CD2AP: variants seen among roughly 807,000 people sequenced by gnomAD.
CD2AP encodes the protein CD2-associated protein.
A neutral mutation model predicts 85.1 loss-of-function variants in CD2AP; 46 were observed. The observed-to-expected ratio is 0.54, with a 90% CI of 0.43 to 0.69. CD2AP has a LOEUF of 0.69. Ranked by LOEUF, CD2AP falls within the 30% of genes least tolerant of loss-of-function variation. CD2AP has a pLI of 0.00. For synonymous variants in CD2AP, 255 were observed against 252.9 expected (o/e 1.01, Z -0.08); for missense variants, 769 against 729.5 (o/e 1.05, Z -0.62).
chr6:47,505,802 T>G (rs1476985624), intron 2 of CD2AP, among the ~76,000 whole-genome samples: 3 of 99,916 alleles, frequency 3.0e-5, no homozygotes, highest in Middle Eastern at 6.7e-3. Flanking sequence ...GGCGGGGGGC[T>G]GACCCCCCCA....
intron 5 of CD2AP, among the ~76,000 whole-genome samples, chr6:47,564,694 G>A (rs548140870): frequency 7.7e-4 from 117 of 152,078 alleles, no homozygotes; most frequent in African/African-American, 2.3e-3. Context: ...TGAATGCCAG[G>A]AAGTGAGCAT....
At chr6:47,480,339 T>C (rs1019886344) in intron 1 of CD2AP, among the ~76,000 whole-genome samples, 1 of 152,236 alleles carries the variant, frequency 6.6e-6, no homozygotes, top group Non-Finnish European at 1.5e-5. Flanking sequence ...TTTTTTCTTA[T>C]GATTTTAGAT....
intron 2 of CD2AP, among the ~76,000 whole-genome samples, chr6:47,509,574 A>G (rs1228753851): frequency 2.6e-5 from 4 of 152,248 alleles, no homozygotes; most frequent in African/African-American, 9.6e-5. Context: ...GAGAGAGGCT[A>G]TAGTAGGGAA....
rs188667749 is a variant in CD2AP, at chr6:47,509,603, G to T, written c.165+6163G>T. ...TAGGGAATTGAATATTTAGAGCAAG[G>T]TCACTTCATTTTTTGTTTTATGAAT... On this transcript the variant is annotated intron_variant, in intron 2 of 17. Transcript: ENST00000359314. 1.3e-3 allele frequency among the ~76,000 whole-genome samples: 192 copies of T among 152,244 alleles called. 3 individuals carry two copies. The East Asian group carries it at 0.034, about 27-fold the overall frequency.
intron 11 of CD2AP, among the ~76,000 whole-genome samples, chr6:47,587,640 C>T (rs561440440): frequency 6.6e-6 from 1 of 152,052 alleles, no homozygotes; most frequent in Non-Finnish European, 1.5e-5. Context: ...CAGTAAGATA[C>T]TCATCATGTC....
chr6:47,562,048 G>A (rs989694212), intron 5 of CD2AP, among the ~76,000 whole-genome samples: 28 of 152,190 alleles, frequency 1.8e-4, no homozygotes, highest in African/African-American at 5.3e-4. Context: ...ACAGGCGTGA[G>A]CCACTGCACC....
intron 17 of CD2AP, among the ~76,000 whole-genome samples, chr6:47,619,501 C>T (rs1327951258): frequency 3.9e-5 from 6 of 152,148 alleles, no homozygotes; most frequent in Non-Finnish European, 8.8e-5. Flanking sequence ...CATGATTTTG[C>T]TGTTGTGAGT....
At chr6:47,619,047 A>G (rs188210362) in intron 17 of CD2AP, among the ~76,000 whole-genome samples, 1 of 152,340 alleles carries the variant, frequency 6.6e-6, no homozygotes, top group Admixed American at 6.5e-5. Context: ...GTGCTAAAAG[A>G]GAAACTCTAG....
chr6:47,568,963 A>G (rs1003822007), intron 5 of CD2AP, among the ~76,000 whole-genome samples: 1 of 152,086 alleles, frequency 6.6e-6, no homozygotes, highest in Non-Finnish European at 1.5e-5. Context: ...AAGGGAGGAG[A>G]GTTATTCAGG....
Position 47,492,946 on chromosome 6 carries a change from A to G in CD2AP, c.5-10334A>G, listed in dbSNP as rs191273282. 1.2e-3 allele frequency among the ~76,000 whole-genome samples: 181 copies of G among 152,180 alleles called. 2 individuals are homozygous for G. Among genetic ancestry groups the G allele is most frequent in the African/African-American group, 4.2e-3 (173 of 41,534 alleles). On this transcript the variant is annotated intron_variant, in intron 1 of 17. Coordinates refer to ENST00000359314, the MANE Select transcript of CD2AP (RefSeq NM_012120.3). ...AGTTTGCAGTATACATTTATAACTAATGTTAAATTCAGCTTTAAATAACAC... is the reference window on the plus strand; with the variant it reads ...AGTTTGCAGTATACATTTATAACTAGTGTTAAATTCAGCTTTAAATAACAC...
intron 1 of CD2AP, among the ~76,000 whole-genome samples, chr6:47,498,864 C>T (rs763759389): frequency 6.6e-5 from 10 of 151,944 alleles, no homozygotes; most frequent in Non-Finnish European, 1.3e-4. Context: ...ATCTTTCATC[C>T]AAGTATTTTA....
chr6:47,568,422 C>T (rs995721206), intron 5 of CD2AP, among the ~76,000 whole-genome samples: 3 of 152,038 alleles, frequency 2.0e-5, no homozygotes, highest in Non-Finnish European at 4.4e-5. Flanking sequence ...AAAACTGGGG[C>T]TTGATAGTAC....
intron 17 of CD2AP, among the ~76,000 whole-genome samples, chr6:47,619,263 C>T (rs562358836): frequency 1.8e-4 from 28 of 152,354 alleles, no homozygotes; most frequent in African/African-American, 6.7e-4. Flanking sequence ...TCTGTTCTAT[C>T]ATTCTTATGC....
intron 1 of CD2AP, among the ~76,000 whole-genome samples, chr6:47,497,266 C>T (rs1765881146): frequency 1.3e-5 from 2 of 149,352 alleles, no homozygotes; most frequent in South Asian, 4.3e-4. Flanking sequence ...CCTTCCCTTC[C>T]TTTTTTCCCT....
chr6:47,546,146 A>T (rs1044752550), intron 4 of CD2AP, among the ~76,000 whole-genome samples: 2 of 152,162 alleles, frequency 1.3e-5, no homozygotes, highest in African/African-American at 4.8e-5. Flanking sequence ...AATGAAATAG[A>T]TACCATAAAT....
rs538366832 is a variant in CD2AP at position 47,505,187 on chromosome 6, G to A, written c.165+1747G>A. On this transcript the variant is annotated intron_variant, in intron 2 of 17. Coordinates refer to ENST00000359314, the MANE Select transcript of CD2AP (RefSeq NM_012120.3). ...AGAGGACCCTGCGGCCTTCCGCAGT[G>A]TTTGTGTCCCTGATTACTTGAGATT... is the stretch of plus-strand genomic sequence containing the variant. 2.1e-5 allele frequency among the ~76,000 whole-genome samples: 3 copies of A among 144,916 alleles called. No individual in the cohort carries two copies. The East Asian group carries it at 5.9e-4, about 29-fold the overall frequency.
intron 16 of CD2AP, among the ~76,000 whole-genome samples, chr6:47,612,249 C>G (rs940625637): frequency 1.1e-4 from 16 of 152,156 alleles, no homozygotes; most frequent in East Asian, 7.7e-4. Flanking sequence ...TCTGAATTTG[C>G]TTGATTTCTT....
In CD2AP at chr6:47,554,731, A is replaced by C; in HGVS notation, c.506A>C (p.Asp169Ala). 2 of 1,613,672 alleles carry C rather than the reference A, an allele frequency of 1.2e-6. No homozygotes were observed. Among genetic ancestry groups the C allele is most frequent in the Non-Finnish European group, 1.7e-6 (2 of 1,179,716 alleles). ...SNFVKELEVT[D>A]DGETHEAQDD... ...TTTGTGAAAGAATTAGAGGTAACAGATGATGGTGAAACTCATGAAGCCCAG... is the reference window on the plus strand; with the variant it reads ...TTTGTGAAAGAATTAGAGGTAACAGCTGATGGTGAAACTCATGAAGCCCAG... The change falls in exon 5 of 18, where the codon GAT becomes GCT. Residue 169 changes from aspartate (D) to alanine (A), a missense_variant. Asp to Ala is a moderately radical substitution (Grantham distance 126, BLOSUM62 -2). Coordinates refer to ENST00000359314, the MANE Select transcript of CD2AP (RefSeq NM_012120.3).
chr6:47,512,354 C>T lies in CD2AP; in HGVS notation c.165+8914C>T, dbSNP rs114173149. Among the ~76,000 whole-genome samples the T allele has an allele frequency of 7.9e-3, 1,199 of 152,138 alleles. 14 individuals are homozygous for T. Among genetic ancestry groups the T allele is most frequent in the African/African-American group, 0.027 (1,120 of 41,534 alleles). On this transcript the variant is annotated intron_variant, in intron 2 of 17. Coordinates refer to ENST00000359314, the MANE Select transcript of CD2AP (RefSeq NM_012120.3). ...GAGACTCTGTCTCAAAAAAAACAAA[C>T]ATAAAAAGGTGCATGTTATTTTGTA... is the stretch of plus-strand genomic sequence containing the variant.
Sources: gnomAD v4.1 joint callset for allele counts (sites outside exome capture counted in the v4.1 genomes callset) on GRCh38, gnomAD v4.1.1 for gene constraint, MANE v1.5 for transcripts, NCBI Gene and HGNC (gene_info 2026-07-23, HGNC 2026-07-21) for gene names.